COL25A1: variants seen among roughly 807,000 people sequenced by gnomAD.
The protein encoded by COL25A1 is collagen alpha-1(XXV) chain.
In COL25A1, 103 loss-of-function variants were observed where a neutral mutation model predicts 128.4. That is an observed-to-expected ratio of 0.80 (90% CI 0.68 to 0.94). The LOEUF (loss-of-function observed/expected upper bound fraction) is 0.94, where lower values mean the gene tolerates loss of function less well. Ranked by LOEUF, COL25A1 falls within the 40% of genes least tolerant of loss-of-function variation. The pLI is 0.00. For synonymous variants in COL25A1, 279 were observed against 277.2 expected, an observed-to-expected ratio of 1.01 and a Z score of -0.06; for missense variants, 745 against 840.0, an observed-to-expected ratio of 0.89 and a Z score of 1.40.
chr4:108,950,217 A>C (rs909770005), intron 8 of COL25A1, among the ~76,000 whole-genome samples: 1 of 152,184 alleles, frequency 6.6e-6, no homozygotes, highest in African/African-American at 2.4e-5. Context: ...GCAATGAAAA[A>C]TACCTAGAAA....
chr4:108,996,630 A>C (rs1754803277), intron 6 of COL25A1, among the ~76,000 whole-genome samples: 1 of 151,996 alleles, frequency 6.6e-6, no homozygotes, highest in South Asian at 2.1e-4. Flanking sequence ...ACCTAATAGA[A>C]AGACATCTAC....
chr4:109,219,602 C>A (rs528479364), intron 3 of COL25A1, among the ~76,000 whole-genome samples: 4 of 152,164 alleles, frequency 2.6e-5, no homozygotes, highest in South Asian at 2.1e-4. Flanking sequence ...TTTGTTTTAA[C>A]CTCTCCTATA....
chr4:108,837,401 A>G (rs1011686635), intron 31 of COL25A1, among the ~76,000 whole-genome samples: 3 of 152,226 alleles, frequency 2.0e-5, no homozygotes, highest in African/African-American at 4.8e-5. Flanking sequence ...AAAGCCTCGT[A>G]TTTAATAACA....
At chr4:109,247,859 C>T (rs992409425) in intron 3 of COL25A1, among the ~76,000 whole-genome samples, 29 of 151,870 alleles carry the variant, frequency 1.9e-4, no homozygotes, top group African/African-American at 7.0e-4. Context: ...CCAAGTAAAA[C>T]ATCAAAGGAT....
intron 6 of COL25A1, among the ~76,000 whole-genome samples, chr4:109,000,037 T>C (rs1360527001): frequency 6.6e-6 from 1 of 151,826 alleles, no homozygotes; most frequent in Non-Finnish European, 1.5e-5. Context: ...GATGAGTATA[T>C]CAAACTAACA....
intron 3 of COL25A1, among the ~76,000 whole-genome samples, chr4:109,160,833 T>C (rs1032917944): frequency 6.6e-6 from 1 of 152,198 alleles, no homozygotes; most frequent in African/African-American, 2.4e-5. Flanking sequence ...AGTTTTTAAA[T>C]GAGCATACCC....
intron 31 of COL25A1, chr4:108,838,132 C>A: frequency 1.3e-6 from 2 of 1,550,334 alleles, no homozygotes; most frequent in Non-Finnish European, 1.7e-6. Flanking sequence ...ACCCTTTTGA[C>A]CTGGTTCACC....
At chr4:109,202,057 T>A (rs1057257415) in intron 3 of COL25A1, among the ~76,000 whole-genome samples, 9 of 152,142 alleles carry the variant, frequency 5.9e-5, no homozygotes, top group African/African-American at 2.2e-4. Context: ...CAACTTGATT[T>A]ATAGGTTCAA....
At chr4:109,091,419 A>G (rs1452306037) in intron 3 of COL25A1, among the ~76,000 whole-genome samples, 1 of 152,184 alleles carries the variant, frequency 6.6e-6, no homozygotes, top group African/African-American at 2.4e-5. Flanking sequence ...CCACGACAAC[A>G]ATTGTCTATA....
chr4:109,150,678 C>T (rs1379804171), intron 3 of COL25A1, among the ~76,000 whole-genome samples: 3 of 152,006 alleles, frequency 2.0e-5, no homozygotes, highest in East Asian at 3.8e-4. Context: ...GACACTGGGA[C>T]GTTTATGTCT....
At chr4:108,824,875 G>A (rs895086076) in intron 34 of COL25A1, among the ~76,000 whole-genome samples, 1 of 152,174 alleles carries the variant, frequency 6.6e-6, no homozygotes, top group African/African-American at 2.4e-5. Flanking sequence ...TAGCATGTGA[G>A]AAGTATATTG....
At chr4:109,281,521 G>C (rs1351607024) in intron 3 of COL25A1, among the ~76,000 whole-genome samples, 1 of 151,652 alleles carries the variant, frequency 6.6e-6, no homozygotes, top group Non-Finnish European at 1.5e-5. Flanking sequence ...TCAAACAGTA[G>C]AAATTTTAAC....
At chr4:109,048,021 C>A in intron 5 of COL25A1, 147 bp downstream of exon 5, 2 of 836,128 alleles carry the variant, frequency 2.4e-6, no homozygotes, top group East Asian at 3.0e-5. Flanking sequence ...CGTGAGCCAC[C>A]GCGACTGACC....
At chr4:109,113,470 A>G (rs1254750808) in intron 3 of COL25A1, among the ~76,000 whole-genome samples, 2 of 152,108 alleles carry the variant, frequency 1.3e-5, no homozygotes, top group Non-Finnish European at 2.9e-5. Flanking sequence ...TAGTTTAAAT[A>G]TTATTACATT....
chr4:108,896,804 T>C (rs1742209949), intron 15 of COL25A1, 93 bp from the exon 16 acceptor site: 2 of 1,122,944 alleles, frequency 1.8e-6, no homozygotes, highest in Non-Finnish European at 2.7e-6. Context: ...TCATGAACAC[T>C]ACATATTAAA....
At chr4:108,887,025 C>A (rs1250891972) in intron 18 of COL25A1, among the ~76,000 whole-genome samples, 1 of 151,972 alleles carries the variant, frequency 6.6e-6, no homozygotes, top group Admixed American at 6.6e-5. Flanking sequence ...TGATGAAACA[C>A]AATACTTATT....
At chr4:109,293,470 T>C (rs1724667558) in intron 3 of COL25A1, among the ~76,000 whole-genome samples, 1 of 152,100 alleles carries the variant, frequency 6.6e-6, no homozygotes, top group South Asian at 2.1e-4. Context: ...CTCTCAATAT[T>C]ACCATAATGT....
chr4:109,208,695 A>G (rs115093233), intron 3 of COL25A1, among the ~76,000 whole-genome samples: 1,959 of 152,260 alleles, frequency 0.013, 28 homozygotes, highest in Non-Finnish European at 0.018. Flanking sequence ...TTTTGTTTCC[A>G]TTTTAGAGAG....
intron 31 of COL25A1, among the ~76,000 whole-genome samples, chr4:108,836,468 G>A (rs770253593): frequency 1.6e-4 from 24 of 152,230 alleles, no homozygotes; most frequent in Non-Finnish European, 2.1e-4. Context: ...AGGCCGAGGC[G>A]GGAAGATTGT....
Sources: gnomAD v4.1 joint callset for allele counts (sites outside exome capture counted in the v4.1 genomes callset) on GRCh38, gnomAD v4.1.1 for gene constraint, MANE v1.5 for transcripts, NCBI Gene and HGNC (gene_info 2026-07-23, HGNC 2026-07-21) for gene names.